The following CHCHD3 variants were observed in gnomAD, a reference collection of about 807,000 sequenced individuals.
The protein encoded by CHCHD3 is MICOS complex subunit MIC19.
In CHCHD3, 20 loss-of-function variants were observed where a neutral mutation model predicts 38.2. The observed-to-expected ratio is 0.52, with a 90% CI of 0.37 to 0.76. The LOEUF (loss-of-function observed/expected upper bound fraction) is 0.76, where lower values mean the gene tolerates loss of function less well. CHCHD3 is among the 30% of genes least tolerant of loss of function. The pLI is 0.00. For synonymous variants in CHCHD3, 82 were observed against 100.0 expected (o/e 0.82, Z 1.07); for missense variants, 245 against 279.2 (o/e 0.88, Z 0.87).
At chr7:132,975,313 A>G in intron 3 of CHCHD3, 27 bp from the exon 4 acceptor site, 1 of 1,551,058 alleles carries the variant, frequency 6.4e-7, no homozygotes, top group Non-Finnish European at 8.8e-7. Context: ...TGTCTAAGTT[A>G]GAAAAAATAT....
At chr7:132,847,453 T>G (rs1400647499) in intron 5 of CHCHD3, 2 of 152,110 alleles carry the variant, frequency 1.3e-5, no homozygotes. Flanking sequence ...ATTTGGGGTA[T>G]GGGGGGGATT....
chr7:133,074,702 T>C (rs2117547996), intron 1 of CHCHD3, among the ~76,000 whole-genome samples: 2 of 152,262 alleles, frequency 1.3e-5, no homozygotes, highest in South Asian at 4.1e-4. Context: ...AAGCTTACAT[T>C]TTTAGAATCT....
At chr7:132,795,484 T>C (rs1339491333) in intron 7 of CHCHD3, among the ~76,000 whole-genome samples, 4 of 152,194 alleles carry the variant, frequency 2.6e-5, no homozygotes, top group African/African-American at 9.7e-5. Context: ...TAAATCTTGA[T>C]TATATTCTTT....
At chr7:132,923,318 G>T (rs576034511) in intron 4 of CHCHD3, among the ~76,000 whole-genome samples, 1 of 152,090 alleles carries the variant, frequency 6.6e-6, no homozygotes, top group African/African-American at 2.4e-5. Context: ...CAGCACAGTT[G>T]GATAAAGTAT....
intron 4 of CHCHD3, among the ~76,000 whole-genome samples, chr7:132,953,373 C>T (rs1340282724): frequency 6.6e-6 from 1 of 152,174 alleles, no homozygotes; most frequent in East Asian, 1.9e-4. Context: ...ACCACAGCTC[C>T]ACCACCTTCC....
At chr7:132,886,408 CAAT>C (rs1309216068) in intron 4 of CHCHD3, among the ~76,000 whole-genome samples, 3 of 151,468 alleles carry the variant, frequency 2.0e-5, no homozygotes, top group African/African-American at 7.3e-5. Context: ...GTTCTTTAAA[CAAT>C]GATGAAGATG....
intron 2 of CHCHD3, among the ~76,000 whole-genome samples, chr7:133,047,012 T>C (rs980435051): frequency 6.6e-6 from 1 of 152,240 alleles, no homozygotes; most frequent in Non-Finnish European, 1.5e-5. Flanking sequence ...CATTGTTACC[T>C]GTGGTCTAGA....
In CHCHD3 at chr7:133,013,014, C is replaced by T. The variant is rs139802573; in HGVS notation, c.251+11532G>A. On this transcript the variant is annotated intron_variant, in intron 3 of 7. Transcript: ENST00000262570. ...CAGCCTGGCCAACATGATGAAACCC[C>T]GTCTCTACTAAAAATACAAAAATCA... is the stretch of plus-strand genomic sequence containing the variant. Among the ~76,000 whole-genome samples, 1,395 of 151,586 alleles carry T rather than the reference C, an allele frequency of 9.2e-3. 23 individuals are homozygous for T. The highest frequency in any genetic ancestry group is 0.032 in the African/African-American group (1,315 of 41,308).
At chr7:132,949,408 C>T (rs1347817225) in intron 4 of CHCHD3, among the ~76,000 whole-genome samples, 1 of 152,096 alleles carries the variant, frequency 6.6e-6, no homozygotes, top group Non-Finnish European at 1.5e-5. Context: ...TTCTTGGACC[C>T]TGTGGATGAG....
chr7:132,863,845 T>C (rs1389147151), intron 5 of CHCHD3, among the ~76,000 whole-genome samples: 2 of 152,230 alleles, frequency 1.3e-5, no homozygotes. Context: ...TAGCTTCCAA[T>C]GCTTCCTCTG....
intron 5 of CHCHD3, among the ~76,000 whole-genome samples, chr7:132,840,817 TAGTC>T (rs1441112562): frequency 6.6e-6 from 1 of 152,194 alleles, no homozygotes; most frequent in East Asian, 1.9e-4. Context: ...TAATACAAAT[TAGTC>T]AGTTCCTCTC....
chr7:133,054,411 T>C (rs1335292136), intron 2 of CHCHD3, among the ~76,000 whole-genome samples: 1 of 152,180 alleles, frequency 6.6e-6, no homozygotes, highest in Non-Finnish European at 1.5e-5. Context: ...CCAAAGCACA[T>C]GCTATGAGCT....
rs557499066 is a variant in CHCHD3 at position 133,005,241 on chromosome 7, T to C, written c.251+19305A>G. ...AACAAAAAACAAACCTAAAATCTCT[T>C]CCATCTCTAAACCACTTAGGTGTAT... On this transcript the variant is annotated intron_variant, in intron 3 of 7. Coordinates refer to ENST00000262570, the MANE Select transcript of CHCHD3 (RefSeq NM_017812.4). Among the ~76,000 whole-genome samples the C allele has an allele frequency of 3.5e-4, 54 of 152,274 alleles. No homozygotes were observed. In the South Asian group the frequency reaches 0.011, roughly 30 times the overall value.
chr7:132,869,633 C>A (rs1185460014), intron 5 of CHCHD3, among the ~76,000 whole-genome samples: 1 of 152,188 alleles, frequency 6.6e-6, no homozygotes, highest in Non-Finnish European at 1.5e-5. Flanking sequence ...GTTGCCCAGG[C>A]TGGAGTGCAG....
At chr7:132,891,197 T>G (rs888686479) in intron 4 of CHCHD3, among the ~76,000 whole-genome samples, 4 of 152,206 alleles carry the variant, frequency 2.6e-5, no homozygotes, top group African/African-American at 4.8e-5. Flanking sequence ...TAGGGTTCAA[T>G]GAGTCTTTAC....
intron 2 of CHCHD3, among the ~76,000 whole-genome samples, chr7:133,028,833 C>T (rs369400031): frequency 4.5e-4 from 66 of 146,888 alleles, no homozygotes; most frequent in African/African-American, 1.5e-3. Flanking sequence ...TGCAGTGAGC[C>T]AAGATCACAT....
intron 6 of CHCHD3, among the ~76,000 whole-genome samples, chr7:132,837,922 A>G (rs1013137313): frequency 6.6e-6 from 1 of 152,200 alleles, no homozygotes; most frequent in Admixed American, 6.5e-5. Flanking sequence ...CACCTTCATA[A>G]TCAAGGGCCA....
intron 5 of CHCHD3, among the ~76,000 whole-genome samples, chr7:132,853,931 T>C (rs1444637813): frequency 6.6e-6 from 1 of 152,170 alleles, no homozygotes; most frequent in Non-Finnish European, 1.5e-5. Context: ...ATTTCCTTGA[T>C]AGTAGCATTT....
intron 5 of CHCHD3, among the ~76,000 whole-genome samples, chr7:132,846,283 C>T (rs1048366112): frequency 3.3e-5 from 5 of 152,194 alleles, no homozygotes; most frequent in African/African-American, 1.2e-4. Context: ...ATGTCAATCA[C>T]CCCAGGCTAG....
Sources: allele counts gnomAD v4.1 joint callset (sites outside exome capture counted in the v4.1 genomes callset), GRCh38; gene constraint gnomAD v4.1.1; transcripts MANE v1.5; gene names NCBI Gene and HGNC (gene_info 2026-07-23, HGNC 2026-07-21).